PAPOLA: variants seen among roughly 807,000 people sequenced by gnomAD.
PAPOLA encodes the protein polynucleotide adenylyltransferase alpha.
In PAPOLA, 15 loss-of-function variants were observed where a neutral mutation model predicts 100.6. The ratio of observed to expected loss-of-function variants is 0.15; its 90% CI spans 0.10 to 0.23. The LOEUF is 0.23. Ranked by LOEUF, PAPOLA falls within the 10% of genes least tolerant of loss-of-function variation. The probability of loss-of-function intolerance (pLI) is 1.00; values close to 1 mark genes in which losing one functional copy is unlikely to be tolerated. For synonymous variants in PAPOLA, 293 were observed against 300.0 expected (o/e 0.98, Z 0.24); for missense variants, 533 against 884.2 (o/e 0.60, Z 5.04).
intron 19 of PAPOLA, 155 bp from the exon 20 acceptor site, chr14:96,560,494 A>T: frequency 1.7e-6 from 1 of 584,270 alleles, no homozygotes; most frequent in South Asian, 2.3e-5. Context: ...TGATAAAAAC[A>T]TTTTAAAAGA....
intron 1 of PAPOLA, among the ~76,000 whole-genome samples, chr14:96,514,180 C>CTTT (rs201921706): frequency 1.9e-4 from 27 of 138,910 alleles, no homozygotes; most frequent in South Asian, 1.4e-3. Flanking sequence ...CATTAGGTAT[C>CTTT]TTTTTTTTTT....
At chr14:96,536,928 A>G in intron 11 of PAPOLA, 48 bp from the exon 12 acceptor site, 1 of 1,046,716 alleles carries the variant, frequency 9.6e-7, no homozygotes. Context: ...TTAAAATTCT[A>G]GATTGTAGAC....
At chr14:96,515,247 A>G (rs974351024) in intron 1 of PAPOLA, among the ~76,000 whole-genome samples, 1 of 152,224 alleles carries the variant, frequency 6.6e-6, no homozygotes, top group East Asian at 1.9e-4. Context: ...TCGTATTCTA[A>G]GGAGAGAAGA....
At chr14:96,507,806 A>AG (rs1896835553) in intron 1 of PAPOLA, among the ~76,000 whole-genome samples, 1 of 152,166 alleles carries the variant, frequency 6.6e-6, no homozygotes, top group South Asian at 2.1e-4. Context: ...GCTTGAGAAC[A>AG]GCTGCCCCAA....
At chr14:96,564,070 A>G (rs973376996) in intron 21 of PAPOLA, among the ~76,000 whole-genome samples, 3 of 151,742 alleles carry the variant, frequency 2.0e-5, no homozygotes, top group Non-Finnish European at 2.9e-5. Context: ...AAGAATGATT[A>G]TGTTGATTTA....
At chr14:96,553,511 TA>T (rs758321681) in intron 17 of PAPOLA, 2,488 of 130,264 alleles carry the variant, frequency 0.019, 13 homozygotes, top group African/African-American at 0.023. Flanking sequence ...GACCCTGTCT[TA>T]AAAAAAAAAA....
chr14:96,538,194 A>AC, intron 12 of PAPOLA, among the ~76,000 whole-genome samples: 1 of 152,104 alleles, frequency 6.6e-6, no homozygotes, highest in South Asian at 2.1e-4. Context: ...AGTTACATGT[A>AC]AGGAGAAGAA....
intron 11 of PAPOLA, 126 bp from the exon 12 acceptor site, chr14:96,536,850 T>C: frequency 1.6e-6 from 1 of 617,544 alleles, no homozygotes; most frequent in Non-Finnish European, 2.9e-6. Context: ...AATCATAAGC[T>C]AAAACTATAT....
rs1165962845 is a variant in PAPOLA at position 96,522,145 on chromosome 14, A to G, written c.249+1073A>G. 1.3e-4 allele frequency among the ~76,000 whole-genome samples: 10 copies of G among 78,352 alleles called. No individual in the cohort carries two copies. The East Asian group carries it at 2.9e-3, about 23-fold the overall frequency. The allele number at this position is 78,352 out of a possible 152,430, so 51.4% of individuals were successfully genotyped here. Reference sequence around the variant, plus strand: ...TTTTTTTTTTTTTTTTTTTTTTGAGACAGTCTTGCTCAGTTGCCCAGGCTG... The same window carrying G: ...TTTTTTTTTTTTTTTTTTTTTTGAGGCAGTCTTGCTCAGTTGCCCAGGCTG... On this transcript the variant is annotated intron_variant, in intron 3 of 21. Transcript: ENST00000216277.
chr14:96,527,188 C>G (rs751779054), intron 4 of PAPOLA: 35 of 458,274 alleles, frequency 7.6e-5, no homozygotes, highest in Non-Finnish European at 1.3e-4. Flanking sequence ...AGCCATCTTT[C>G]TTTGGGCTCC....
At chr14:96,521,182 G>C in intron 3 of PAPOLA, 110 bp downstream of exon 3, 1 of 673,022 alleles carries the variant, frequency 1.5e-6, no homozygotes, top group African/African-American at 1.8e-5. Context: ...CTTTAATGTG[G>C]AGTCAATTTT....
intron 20 of PAPOLA, 30 bp downstream of exon 20, chr14:96,560,741 C>T (rs1280915957): frequency 7.8e-7 from 1 of 1,286,364 alleles, no homozygotes; most frequent in Non-Finnish European, 1.1e-6. Context: ...AGAATACATA[C>T]ACAATTAAGA....
chr14:96,546,866 C>T (rs896865166), intron 15 of PAPOLA, among the ~76,000 whole-genome samples: 4 of 151,994 alleles, frequency 2.6e-5, no homozygotes, highest in African/African-American at 9.7e-5. Context: ...CTCAAATGTT[C>T]CAGGCATTTT....
In PAPOLA at chr14:96,535,947, G is replaced by A. The variant is rs144379355; in HGVS notation, c.978G>A (p.Thr326=). The A allele has an allele frequency of 1.9e-6, 3 of 1,607,878 alleles. No individual in the cohort carries two copies. The highest frequency in any genetic ancestry group is 1.7e-5 in the Admixed American group (1 of 59,308). The change falls in exon 11 of 22, where the codon ACG becomes ACA. Residue 326 remains threonine, a synonymous_variant. Transcript: ENST00000216277. The part of the protein sequence containing the change: ...ITPAYPQQNS[T]YNVSVSTRMV... Reference sequence around the variant, plus strand: ...CAGCATACCCACAACAGAACTCCACGTACAATGTGTCCGTTTCAACACGGA... The same window carrying A: ...CAGCATACCCACAACAGAACTCCACATACAATGTGTCCGTTTCAACACGGA...
intron 1 of PAPOLA, among the ~76,000 whole-genome samples, chr14:96,514,771 T>A (rs1369305233): frequency 1.3e-5 from 2 of 152,240 alleles, no homozygotes; most frequent in Non-Finnish European, 2.9e-5. Flanking sequence ...GTTGTAAAAT[T>A]CCTAGTTTGT....
In PAPOLA at chr14:96,522,169, T is replaced by G. The variant is rs140073469; in HGVS notation, c.249+1097T>G. On this transcript the variant is annotated intron_variant, in intron 3 of 21. Transcript: ENST00000216277. Reference sequence around the variant, plus strand: ...GACAGTCTTGCTCAGTTGCCCAGGCTGAAGTACAGTGGCACCATCTTGGTT... The same window carrying G: ...GACAGTCTTGCTCAGTTGCCCAGGCGGAAGTACAGTGGCACCATCTTGGTT... Among the ~76,000 whole-genome samples, 48 of 139,270 alleles carry G rather than the reference T, an allele frequency of 3.4e-4. No individual in the cohort carries two copies. In the East Asian group the frequency reaches 0.01, roughly 29 times the overall value. The allele number at this position is 139,270 out of a possible 152,430, so 91.4% of individuals were successfully genotyped here.
intron 12 of PAPOLA, 149 bp downstream of exon 12, chr14:96,537,209 G>C: frequency 1.7e-6 from 1 of 590,708 alleles, no homozygotes; most frequent in Non-Finnish European, 3.1e-6. Context: ...GAACTCCTTA[G>C]TTTTTTTTGG....
chr14:96,516,369 T>TCTCCCTCTCTTTCTTCCTTCCTCC (rs1897463092), intron 1 of PAPOLA, among the ~76,000 whole-genome samples: 1 of 150,068 alleles, frequency 6.7e-6, no homozygotes, highest in South Asian at 2.2e-4. Context: ...TCCCTCATTC[T>TCTCCCTCTCTTTCTTCCTTCCTCC]CTCCCTCTCT....
intron 1 of PAPOLA, among the ~76,000 whole-genome samples, chr14:96,517,572 A>G (rs1035024643): frequency 2.6e-5 from 4 of 152,222 alleles, no homozygotes; most frequent in African/African-American, 9.6e-5. Context: ...ACTGGGGGAA[A>G]AAAAAACCTG....
Sources: gnomAD v4.1 joint callset for allele counts (sites outside exome capture counted in the v4.1 genomes callset) on GRCh38, gnomAD v4.1.1 for gene constraint, MANE v1.5 for transcripts, NCBI Gene and HGNC (gene_info 2026-07-23, HGNC 2026-07-21) for gene names.